MET: variants seen among roughly 807,000 people sequenced by gnomAD.
MET encodes the protein hepatocyte growth factor receptor.
A neutral mutation model predicts 133.1 loss-of-function variants in MET; 48 were observed. The observed-to-expected ratio is 0.36, with a 90% CI of 0.29 to 0.46. The LOEUF (loss-of-function observed/expected upper bound fraction) is 0.46. Among genes scored for constraint, MET ranks in the 20% least tolerant of loss-of-function variants. The pLI, the probability that MET is intolerant of heterozygous loss-of-function variation, is 1.00. For missense variants in MET, 1,442 were observed against 1,695.9 expected (o/e 0.85, Z 2.63); for synonymous variants, 628 against 616.5 (o/e 1.02, Z -0.28).
intron 4 of MET, 147 bp from the exon 5 acceptor site, chr7:116,740,705 C>T (rs1021241041): frequency 1.1e-5 from 11 of 965,232 alleles, no homozygotes; most frequent in African/African-American, 4.9e-5. Context: ...TTTTAATCAC[C>T]GTTATGACAG....
At chr7:116,685,545 G>T (rs1796520925) in intron 1 of MET, among the ~76,000 whole-genome samples, 1 of 152,066 alleles carries the variant, frequency 6.6e-6, no homozygotes, top group Non-Finnish European at 1.5e-5. Context: ...ATTTAGCCAG[G>T]TGTGGTGATG....
At chr7:116,717,103 T>A (rs1043941272) in intron 2 of MET, among the ~76,000 whole-genome samples, 1 of 152,212 alleles carries the variant, frequency 6.6e-6, no homozygotes, top group Non-Finnish European at 1.5e-5. Flanking sequence ...GCACATCAGA[T>A]GGAGTCCTCT....
At position 116,716,543 on chromosome 7, in the gene MET, A is replaced by G. The variant is rs535608644; in HGVS notation, c.1201-15125A>G. Among the ~76,000 whole-genome samples, 159 of 151,792 alleles carry G rather than the reference A, an allele frequency of 1.0e-3. 1 individual carries two copies. Among genetic ancestry groups the G allele is most frequent in the South Asian group, 8.6e-3 (41 of 4,780 alleles). On this transcript the variant is annotated intron_variant, in intron 2 of 20. Coordinates refer to ENST00000397752, the MANE Select transcript of MET (RefSeq NM_000245.4). ...AAAGAAAGAAAGAAAGAAAGAAGAT[A>G]TGAACAATAAAGGAAAGACTCAAAG... is the stretch of plus-strand genomic sequence containing the variant.
At chr7:116,745,101 GT>G (rs1232795077) in intron 5 of MET, among the ~76,000 whole-genome samples, 1 of 152,294 alleles carries the variant, frequency 6.6e-6, no homozygotes, top group African/African-American at 2.4e-5. Context: ...CAAATTCAAT[GT>G]GCAAAAATCA....
intron 12 of MET, among the ~76,000 whole-genome samples, chr7:116,770,323 G>A (rs934750443): frequency 1.3e-5 from 2 of 152,140 alleles, no homozygotes; most frequent in Non-Finnish European, 2.9e-5. Flanking sequence ...TTATTGTGAT[G>A]TAATTCACAT....
chr7:116,717,312 A>C (rs139261309), intron 2 of MET, among the ~76,000 whole-genome samples: 1 of 152,354 alleles, frequency 6.6e-6, no homozygotes, highest in East Asian at 1.9e-4. Context: ...AAATATGTCT[A>C]TAAGAAACAG....
intron 1 of MET, among the ~76,000 whole-genome samples, chr7:116,681,288 G>A (rs980801337): frequency 2.0e-5 from 3 of 152,126 alleles, no homozygotes; most frequent in African/African-American, 7.2e-5. Context: ...CATTTTCTCT[G>A]AGGAAATCAA....
chr7:116,773,167 T>C (rs1486343767), intron 14 of MET, among the ~76,000 whole-genome samples: 1 of 152,174 alleles, frequency 6.6e-6, no homozygotes, highest in Non-Finnish European at 1.5e-5. Flanking sequence ...TTTTCTCCAT[T>C]GAGCCTGCTC....
chr7:116,734,386 T>C (rs1176817945), intron 3 of MET, among the ~76,000 whole-genome samples: 1 of 152,248 alleles, frequency 6.6e-6, no homozygotes, highest in Non-Finnish European at 1.5e-5. Context: ...TATGTTCAGC[T>C]CTGGCTGGGA....
chr7:116,725,973 G>T (rs1228643710), intron 2 of MET, among the ~76,000 whole-genome samples: 2 of 148,472 alleles, frequency 1.3e-5, no homozygotes, highest in African/African-American at 4.9e-5. Flanking sequence ...GGAGTTTGAG[G>T]TTACAGTGAG....
At position 116,796,451 on chromosome 7, in the gene MET, T is replaced by C. The variant is rs1354775472; in HGVS notation, c.*327T>C. The C allele has an allele frequency of 6.7e-6, 3 of 450,038 alleles. No individual in the cohort carries two copies. The highest frequency in any genetic ancestry group is 3.9e-5 in the African/African-American group (2 of 51,528). The allele number at this position is 450,038 out of a possible 1,614,324, so 27.9% of individuals were successfully genotyped here. ...ATATGGGAAATTGAAGCAGGAAATA[T>C]TGAGGGCTTCTTGATCACAGAAAAC... On this transcript the variant is annotated 3_prime_UTR_variant, in exon 21 of 21. Coordinates refer to ENST00000397752, the MANE Select transcript of MET (RefSeq NM_000245.4).
At chr7:116,682,088 G>A (rs1027068758) in intron 1 of MET, among the ~76,000 whole-genome samples, 3 of 152,072 alleles carry the variant, frequency 2.0e-5, no homozygotes, top group African/African-American at 4.8e-5. Context: ...AAATCTGTAC[G>A]TCAAGGCCCA....
At position 116,731,716 on chromosome 7, in the gene MET, C is replaced by T. The variant is rs369705803; in HGVS notation, c.1249C>T (p.Arg417Ter). Residue 417 changes from arginine to a stop codon, truncating the protein, a stop_gained, in exon 3 of 21, where the codon CGA becomes TGA. Coordinates refer to ENST00000397752, the MANE Select transcript of MET (RefSeq NM_000245.4). LOFTEE classifies it high-confidence loss of function. ...SGCEARRDEY[R>*]TEFTTALQRV... ...CTGTGAAGCGCGCCGTGATGAATAT[C>T]GAACAGAGTTTACCACAGCTTTGCA... 3 of 1,613,992 alleles carry T rather than the reference C, an allele frequency of 1.9e-6. No individual in the cohort carries two copies. Among genetic ancestry groups the T allele is most frequent in the Non-Finnish European group, 2.5e-6 (3 of 1,179,986 alleles).
chr7:116,711,608 A>G (rs1056131781), intron 2 of MET, among the ~76,000 whole-genome samples: 92 of 152,070 alleles, frequency 6.0e-4, no homozygotes, highest in African/African-American at 2.0e-3. Context: ...AGAAAATTGT[A>G]TATTATCATT....
intron 2 of MET, among the ~76,000 whole-genome samples, chr7:116,710,983 C>T (rs1448577527): frequency 6.6e-6 from 1 of 152,180 alleles, no homozygotes; most frequent in Non-Finnish European, 1.5e-5. Flanking sequence ...AGTTAATACC[C>T]TGTATGCTGG....
At chr7:116,730,592 G>T (rs370019802) in intron 2 of MET, among the ~76,000 whole-genome samples, 1 of 152,136 alleles carries the variant, frequency 6.6e-6, no homozygotes, top group South Asian at 2.1e-4. Context: ...GGGAGGAAGG[G>T]CATGAAGGAG....
chr7:116,772,097 A>G (rs2116999817), intron 14 of MET, 108 bp downstream of exon 14: 1 of 1,275,306 alleles, frequency 7.8e-7, no homozygotes, highest in Non-Finnish European at 1.1e-6. Context: ...AAAAACCTAA[A>G]GGAAGTATTT....
At chr7:116,768,950 G>A (rs931505079) in intron 11 of MET, among the ~76,000 whole-genome samples, 7 of 152,090 alleles carry the variant, frequency 4.6e-5, no homozygotes, top group African/African-American at 1.4e-4. Context: ...AAATTTTTGT[G>A]TAACTATGTA....
In MET at chr7:116,769,625, T is replaced by A. The variant is rs1304475236; in HGVS notation, c.2584-20T>A. 3.3e-6 allele frequency: 5 copies of A among 1,537,842 alleles called. No homozygotes were observed. The highest frequency in any genetic ancestry group is 4.4e-6 in the Non-Finnish European group (5 of 1,126,764). On this transcript the variant is annotated intron_variant, in intron 11 of 20. Coordinates refer to ENST00000397752, the MANE Select transcript of MET (RefSeq NM_000245.4). ...GAACTGTGAAGTGTTAACAACCTTT[T>A]TTTTTTTTTTTCCTTTCAGGGAAAT...
Sources: allele counts gnomAD v4.1 joint callset (sites outside exome capture counted in the v4.1 genomes callset), GRCh38; gene constraint gnomAD v4.1.1; transcripts MANE v1.5; gene names NCBI Gene and HGNC (gene_info 2026-07-23, HGNC 2026-07-21).